RBFOX1: variants seen among roughly 807,000 people sequenced by gnomAD.
RBFOX1 encodes RNA binding fox-1 homolog 1, also known as RNA binding protein fox-1 homolog 1.
RBFOX1 carries 8 observed loss-of-function variants against 57.7 expected under a neutral mutation model. The ratio of observed to expected loss-of-function variants is 0.14; its 90% CI spans 0.08 to 0.25. RBFOX1 has a LOEUF of 0.25. RBFOX1 is among the 10% of genes least tolerant of loss of function. The pLI, the probability that RBFOX1 is intolerant of heterozygous loss-of-function variation, is 1.00. For synonymous variants in RBFOX1, 326 were observed against 222.4 expected (o/e 1.47, Z -4.15); for missense variants, 611 against 548.5 (o/e 1.11, Z -1.14).
At chr16:7,367,057 G>A (rs1318793903) in intron 4 of RBFOX1, among the ~76,000 whole-genome samples, 1 of 149,076 alleles carries the variant, frequency 6.7e-6, no homozygotes, top group Non-Finnish European at 1.5e-5. Flanking sequence ...AAACCCCCCA[G>A]TTTTTTTTTT....
chr16:7,139,176 C>CTCTCTCTGTG (rs372381673), intron 4 of RBFOX1, among the ~76,000 whole-genome samples: 125 of 145,900 alleles, frequency 8.6e-4, no homozygotes, highest in Middle Eastern at 3.5e-3. Flanking sequence ...CAATCTCTCT[C>CTCTCTCTGTG]TGTGTGTGTG....
chr16:7,080,326 C>G (rs79201299), intron 4 of RBFOX1, among the ~76,000 whole-genome samples: 4 of 152,006 alleles, frequency 2.6e-5, no homozygotes, highest in African/African-American at 9.7e-5. Flanking sequence ...ATTATTTCCT[C>G]CAATGCCTTG....
chr16:6,401,619 A>G (rs1475076207), intron 2 of RBFOX1, among the ~76,000 whole-genome samples: 4 of 152,160 alleles, frequency 2.6e-5, no homozygotes, highest in Admixed American at 6.5e-5. Context: ...GTCATTTTGT[A>G]GCTTTCATTT....
intron 1 of RBFOX1, among the ~76,000 whole-genome samples, chr16:5,379,658 C>G (rs149621191): frequency 1.3e-5 from 2 of 152,134 alleles, no homozygotes; most frequent in African/African-American, 4.8e-5. Context: ...ATCTGAGAAA[C>G]CAACTGGACC....
chr16:7,601,536 A>C (rs1309877054), intron 9 of RBFOX1, among the ~76,000 whole-genome samples: 1 of 152,292 alleles, frequency 6.6e-6, no homozygotes, highest in East Asian at 1.9e-4. Flanking sequence ...ATCAGCAAAC[A>C]GACAGTCTTT....
At chr16:6,287,028 G>C (rs531990366) in intron 1 of RBFOX1, among the ~76,000 whole-genome samples, 29 of 152,204 alleles carry the variant, frequency 1.9e-4, no homozygotes, top group South Asian at 1.5e-3. Context: ...AATGCCTACA[G>C]AGATCTACAG....
chr16:7,175,674 G>T (rs755796782), intron 4 of RBFOX1, among the ~76,000 whole-genome samples: 1 of 152,320 alleles, frequency 6.6e-6, no homozygotes, highest in East Asian at 1.9e-4. Flanking sequence ...TGAAAGCCAC[G>T]TGTTACCCTG....
At chr16:6,926,673 T>A (rs943697551) in intron 3 of RBFOX1, among the ~76,000 whole-genome samples, 1 of 152,122 alleles carries the variant, frequency 6.6e-6, no homozygotes, top group African/African-American at 2.4e-5. Flanking sequence ...CATATGTGCA[T>A]GGTTAAGGTA....
intron 3 of RBFOX1, among the ~76,000 whole-genome samples, chr16:5,731,477 G>C (rs1167588666): frequency 1.3e-5 from 2 of 152,170 alleles, no homozygotes; most frequent in African/African-American, 4.8e-5. Context: ...CCATTTTACA[G>C]AAAAGAAGAC....
chr16:5,433,540 G>A (rs148889090), intron 1 of RBFOX1, among the ~76,000 whole-genome samples: 128 of 152,218 alleles, frequency 8.4e-4, no homozygotes, highest in Middle Eastern at 3.4e-3. Flanking sequence ...CAAATGGGAG[G>A]GAGGCAGAGT....
At chr16:6,997,472 G>A (rs961765380) in intron 3 of RBFOX1, among the ~76,000 whole-genome samples, 21 of 152,082 alleles carry the variant, frequency 1.4e-4, no homozygotes, top group African/African-American at 4.6e-4. Context: ...TAAACTTTAA[G>A]TTAATGTTAA....
intron 2 of RBFOX1, among the ~76,000 whole-genome samples, chr16:5,558,131 C>T (rs1034103505): frequency 4.6e-5 from 7 of 152,172 alleles, no homozygotes; most frequent in African/African-American, 9.7e-5. Flanking sequence ...ATCCTCCCAG[C>T]CCAGGTGTGA....
chr16:5,349,776 CG>C (rs1567369961), intron 1 of RBFOX1, among the ~76,000 whole-genome samples: 1 of 152,194 alleles, frequency 6.6e-6, no homozygotes, highest in African/African-American at 2.4e-5. Flanking sequence ...CTGCATTTGG[CG>C]GGGACCACAG....
chr16:5,393,650 C>G lies in RBFOX1; in HGVS notation c.220-73566C>G, dbSNP rs151289103. Among the ~76,000 whole-genome samples, 7 of 151,602 alleles carry G rather than the reference C, an allele frequency of 4.6e-5. No individual in the cohort carries two copies. In the East Asian group the frequency reaches 7.7e-4, roughly 17 times the overall value. ...TTACTTCATGTGTCATCCTGTTGCTCTTTTCAAAAAAAGGAGGTGTTCTGT... is the reference window on the plus strand; with the variant it reads ...TTACTTCATGTGTCATCCTGTTGCTGTTTTCAAAAAAAGGAGGTGTTCTGT... On this transcript the variant is annotated intron_variant, in intron 1 of 2. Transcript: ENST00000585867.
chr16:6,892,774 C>CTG (rs1567747515), intron 3 of RBFOX1, among the ~76,000 whole-genome samples: 1 of 54,540 alleles, frequency 1.8e-5, no homozygotes, highest in Non-Finnish European at 4.0e-5. Context: ...CTCCCTGTCT[C>CTG]CCTCTCTCTC....
intron 3 of RBFOX1, among the ~76,000 whole-genome samples, chr16:5,705,714 G>T (rs1455480418): frequency 2.6e-5 from 4 of 152,126 alleles, no homozygotes; most frequent in Admixed American, 6.5e-5. Context: ...TCCTAACAAG[G>T]GGATTATGGA....
chr16:6,465,025 A>T (rs1429376284), intron 2 of RBFOX1, among the ~76,000 whole-genome samples: 1 of 152,224 alleles, frequency 6.6e-6, no homozygotes. Context: ...ACAGTTTCTC[A>T]TATCTAGCCT....
chr16:7,690,936 C>T (rs866644193), intron 14 of RBFOX1, among the ~76,000 whole-genome samples: 3 of 152,106 alleles, frequency 2.0e-5, no homozygotes, highest in Non-Finnish European at 4.4e-5. Context: ...CCACCAAAGC[C>T]AATCTGATTT....
chr16:5,645,092 A>T (rs961882745), intron 3 of RBFOX1, among the ~76,000 whole-genome samples: 4 of 151,922 alleles, frequency 2.6e-5, no homozygotes, highest in African/African-American at 7.3e-5. Flanking sequence ...AAAAAAAAAA[A>T]AAATAAAAAT....
Sources: gnomAD v4.1 joint callset for allele counts (sites outside exome capture counted in the v4.1 genomes callset) on GRCh38, gnomAD v4.1.1 for gene constraint, MANE v1.5 for transcripts, NCBI Gene and HGNC (gene_info 2026-07-23, HGNC 2026-07-21) for gene names.